Variants in ZFC3H1 observed in about 807,000 individuals in gnomAD.
ZFC3H1 encodes the protein zinc finger C3H1 domain-containing protein.
ZFC3H1 carries 71 observed loss-of-function variants against 243.7 expected under a neutral mutation model. The ratio of observed to expected loss-of-function variants is 0.29; its 90% CI spans 0.24 to 0.36. ZFC3H1 has a LOEUF of 0.36. Ranked by LOEUF, ZFC3H1 falls within the 10% of genes least tolerant of loss-of-function variation. ZFC3H1 has a pLI of 1.00. For missense variants in ZFC3H1, 1,966 were observed against 2,317.1 expected, an observed-to-expected ratio of 0.85 and a Z score of 3.11; for synonymous variants, 838 against 813.0, an observed-to-expected ratio of 1.03 and a Z score of -0.52.
At chr12:71,658,282 ATT>A (rs11454442) in intron 1 of ZFC3H1, among the ~76,000 whole-genome samples, 122 of 92,796 alleles carry the variant, frequency 1.3e-3, no homozygotes, top group African/African-American at 4.7e-3. Context: ...TCATTTATAG[ATT>A]TTTTTTTTTT....
chr12:71,623,582 C>T lies in ZFC3H1; in HGVS notation c.4522G>A (p.Ala1508Thr). The change falls in exon 24 of 35, where the codon GCT becomes ACT. Residue 1508 changes from alanine to threonine, a missense_variant. This residue lies in a region of ZFC3H1 where 1,383 missense variants were observed against 1,723.7 expected (regional missense o/e 0.80). Transcript: ENST00000378743. ...LAILQNALKS[A>T]NDGIVAEYLK... ...TATTCAGCTACTATTCCATCATTAG[C>T]AGATTTCAATGCATTCTAGGCAAAA... The T allele has an allele frequency of 6.2e-7, 1 of 1,607,876 alleles. No homozygotes were observed. The highest frequency in any genetic ancestry group is 8.5e-7 in the Non-Finnish European group (1 of 1,178,144).
At chr12:71,618,779 A>T (rs1879953535) in intron 27 of ZFC3H1, among the ~76,000 whole-genome samples, 1 of 152,218 alleles carries the variant, frequency 6.6e-6, no homozygotes, top group South Asian at 2.1e-4. Context: ...TACTGTTGGA[A>T]TAGGAACTCT....
intron 2 of ZFC3H1, among the ~76,000 whole-genome samples, chr12:71,655,528 A>C (rs972886900): frequency 6.6e-6 from 1 of 152,146 alleles, no homozygotes; most frequent in African/African-American, 2.4e-5. Context: ...CAGATAAAAA[A>C]GTAAAGGATT....
rs1385861492 is a variant in ZFC3H1 at position 71,620,011 on chromosome 12, G to A, written c.4964C>T (p.Ala1655Val). The A allele has an allele frequency of 1.2e-6, 2 of 1,613,286 alleles. No homozygotes were observed. Among genetic ancestry groups the A allele is most frequent in the East Asian group, 4.5e-5 (2 of 44,856 alleles). Residue 1655 changes from alanine (A) to valine (V), a missense_variant, in exon 26 of 35, where the codon GCC becomes GTC. By Grantham distance (64) the Ala-to-Val change is moderately conservative (BLOSUM62 0). Around this residue, in one of 4 missense-constraint regions of ZFC3H1, gnomAD observed 1,383 missense variants for 1,723.7 expected, o/e 0.80. Coordinates refer to ENST00000378743, the MANE Select transcript of ZFC3H1 (RefSeq NM_144982.5). ...LYLQTNQHDK[A>V]RAVWLTAFEK... ...AAATGCAGTAAGCCACACTGCTCTG[G>A]CTTTGTCATGCTGATTTGTTTGCAA...
chr12:71,643,469 C>T (rs12317800), intron 5 of ZFC3H1, among the ~76,000 whole-genome samples: 87 of 152,020 alleles, frequency 5.7e-4, no homozygotes, highest in African/African-American at 2.0e-3. Flanking sequence ...CTTAAGCAAA[C>T]CTAACTCCAA....
At chr12:71,648,931 A>G (rs541641344) in intron 2 of ZFC3H1, among the ~76,000 whole-genome samples, 1 of 152,176 alleles carries the variant, frequency 6.6e-6, no homozygotes, top group Non-Finnish European at 1.5e-5. Flanking sequence ...CTCTACTGAA[A>G]ATACAAAAAA....
At chr12:71,647,300 C>T (rs1490402037) in intron 3 of ZFC3H1, among the ~76,000 whole-genome samples, 11 of 152,086 alleles carry the variant, frequency 7.2e-5, no homozygotes, top group Admixed American at 7.2e-4. Context: ...TAACAGAAGA[C>T]ATTAAGTTCA....
chr12:71,652,805 A>C (rs1049998529), intron 2 of ZFC3H1, among the ~76,000 whole-genome samples: 10 of 152,172 alleles, frequency 6.6e-5, no homozygotes, highest in African/African-American at 2.4e-4. Flanking sequence ...AACCCAAAAT[A>C]ATCATCACTT....
At chr12:71,616,310 T>C (rs1215212503) in intron 27 of ZFC3H1, among the ~76,000 whole-genome samples, 4 of 152,060 alleles carry the variant, frequency 2.6e-5, no homozygotes, top group Non-Finnish European at 5.9e-5. Context: ...AAAAAAGATT[T>C]ACTAAACCTT....
intron 2 of ZFC3H1, among the ~76,000 whole-genome samples, chr12:71,652,637 C>G (rs1031473701): frequency 6.6e-6 from 1 of 152,126 alleles, no homozygotes; most frequent in Non-Finnish European, 1.5e-5. Context: ...TAATCCTTCC[C>G]GTGTTACTCC....
intron 2 of ZFC3H1, among the ~76,000 whole-genome samples, chr12:71,654,750 C>T (rs1355069036): frequency 2.6e-5 from 4 of 151,910 alleles, no homozygotes; most frequent in African/African-American, 9.7e-5. Context: ...GTAGACTATA[C>T]GTTCAAGCTA....
rs1274626768 is a variant in ZFC3H1 at position 71,614,533 on chromosome 12, A to C, written c.5526+2T>G. 6.4e-7 allele frequency: 1 copy of C among 1,573,590 alleles called. No individual in the cohort carries two copies. Among genetic ancestry groups the C allele is most frequent in the Non-Finnish European group, 8.6e-7 (1 of 1,166,286 alleles). The stretch of plus-strand genomic sequence containing the variant: ...CTAAAGAAAAAAGTTTTGAGTTCTT[A>C]CCCTATTATGAAATTCATAGTTGGA... On this transcript the variant is annotated splice_donor_variant, in intron 30 of 34. Transcript: ENST00000378743. LOFTEE classifies it high-confidence loss of function.
At chr12:71,655,466 G>A (rs1158215545) in intron 2 of ZFC3H1, among the ~76,000 whole-genome samples, 5 of 151,648 alleles carry the variant, frequency 3.3e-5, no homozygotes, top group African/African-American at 4.8e-5. Context: ...CTTATTTCAG[G>A]GTAAATTAAA....
rs1352477988 is a variant in ZFC3H1, at chr12:71,638,342, C to T, written c.1725+76G>A. 7.6e-6 allele frequency: 11 copies of T among 1,439,990 alleles called. No individual in the cohort carries two copies. The Admixed American group carries it at 1.9e-4, about 25-fold the overall frequency. 89.2% of individuals were successfully genotyped at this position (1,439,990 alleles called of 1,614,324 possible). A position where few individuals can be genotyped will look rare whatever the true frequency, so the allele number is the denominator to read the frequency against. ...TCTGATTTTTTAAGCCCTCTTCAAA[C>T]CTAACCATTCGTTTTTAAAAACAAA... On this transcript the variant is annotated intron_variant, in intron 7 of 34. Coordinates refer to ENST00000378743, the MANE Select transcript of ZFC3H1 (RefSeq NM_144982.5).
chr12:71,629,345 T>C (rs1460138772), intron 19 of ZFC3H1, among the ~76,000 whole-genome samples: 1 of 151,940 alleles, frequency 6.6e-6, no homozygotes, highest in African/African-American at 2.4e-5. Context: ...TTTTCTATTT[T>C]TAGTAGAGAC....
rs767687247 is a variant in ZFC3H1 at position 71,657,055 on chromosome 12, CTTGAATCCT to C, written c.836_844del (p.Lys279_Ser281del). On this transcript the variant is annotated inframe_deletion, in exon 2 of 35. Transcript: ENST00000378743. ...TTTCTCCTCAGGAGCTACTTCTTTA[CTTGAATCCT>C]TTGTAATACTGACATTATCAGTGCT... 1 of 1,613,876 alleles carries C rather than the reference CTTGAATCCT, an allele frequency of 6.2e-7. No individual in the cohort carries two copies. Among genetic ancestry groups the C allele is most frequent in the South Asian group, 1.1e-5 (1 of 91,060 alleles).
Position 71,634,540 on chromosome 12 carries a change from T to C in ZFC3H1, c.2360+164A>G, listed in dbSNP as rs148615506. ...CCTAGCACATCACTCTATTCAAGTG[T>C]ATGTATGACCATCCAGCACCATCTT... On this transcript the variant is annotated intron_variant, in intron 11 of 34. Transcript: ENST00000378743. Among the ~76,000 whole-genome samples, 184 of 152,290 alleles carry C rather than the reference T, an allele frequency of 1.2e-3. 1 individual carries two copies. Among genetic ancestry groups the C allele is most frequent in the African/African-American group, 4.2e-3 (176 of 41,570 alleles).
In ZFC3H1 at chr12:71,663,280, G is replaced by C. The variant is rs774050892; in HGVS notation, c.331C>G (p.Arg111Gly). The C allele has an allele frequency of 9.3e-6, 15 of 1,613,458 alleles. No individual in the cohort carries two copies. Among genetic ancestry groups the C allele is most frequent in the Non-Finnish European group, 1.1e-5 (13 of 1,180,058 alleles). Reference protein sequence around the residue: ...PSSYRPKEPFRSHPPSVRMPS... With the variant: ...PSSYRPKEPFGSHPPSVRMPS... ...ATCCGTACAGAAGGCGGATGAGACC[G>C]GAACGGTTCTTTGGGTCGGTAGCTG... is the stretch of plus-strand genomic sequence containing the variant. Residue 111 changes from arginine to glycine, a missense_variant, in exon 1 of 35, where the codon CGG (arginine) becomes GGG (glycine). Transcript: ENST00000378743.
rs765142047 is a variant in ZFC3H1 at position 71,663,495 on chromosome 12, C to T, written c.116G>A (p.Arg39Gln). 1 of 1,613,264 alleles carries T rather than the reference C, an allele frequency of 6.2e-7. No homozygotes were observed. The highest frequency in any genetic ancestry group is 1.3e-5 in the African/African-American group (1 of 74,944). The change falls in exon 1 of 35, where the codon CGG (arginine) becomes CAG (glutamine). Residue 39 changes from arginine to glutamine, a missense_variant. By Grantham distance (43) the Arg-to-Gln change is conservative. Transcript: ENST00000378743. ...GCCGCCGCTGCTGCTGCTGCTGCTC[C>T]GACTCCGTATCTGGCTGTTATTATC... ...DDDNNSQIRS[R>Q]SSSSSSGGGL...
Sources: allele counts gnomAD v4.1 joint callset (sites outside exome capture counted in the v4.1 genomes callset), GRCh38; gene constraint gnomAD v4.1.1; regional missense constraint gnomAD v4.1.1; transcripts MANE v1.5; gene names NCBI Gene and HGNC (gene_info 2026-07-23, HGNC 2026-07-21).